The following KCNQ1 variants were observed in gnomAD, a reference collection of about 807,000 sequenced individuals.
The protein encoded by KCNQ1 is potassium voltage-gated channel subfamily KQT member 1.
In KCNQ1, 49 loss-of-function variants were observed where a neutral mutation model predicts 72.4. That is an observed-to-expected ratio of 0.68 (90% confidence interval 0.54 to 0.86). KCNQ1 has a LOEUF of 0.86. Among genes scored for constraint, KCNQ1 ranks in the 40% least tolerant of loss-of-function variants. The probability of loss-of-function intolerance (pLI) is 0.00; values close to 1 mark genes in which losing one functional copy is unlikely to be tolerated. For synonymous variants in KCNQ1, 450 were observed against 412.6 expected (o/e 1.09, Z -1.10); for missense variants, 790 against 945.1 (o/e 0.84, Z 2.15).
Position 2,653,981 on chromosome 11 carries a change from T to G in KCNQ1, c.1394-7980T>G. 1 of 398,710 alleles carries G rather than the reference T, an allele frequency of 2.5e-6. No homozygotes were observed. The highest frequency in any genetic ancestry group is 4.4e-6 in the Non-Finnish European group (1 of 226,094). 24.7% of individuals were successfully genotyped at this position (398,710 alleles called of 1,614,324 possible). On this transcript the variant is annotated intron_variant, in intron 10 of 15. Transcript: ENST00000155840. The surrounding 1 kb of genome is among the most constrained non-coding windows in gnomAD (Gnocchi z 5.3). ...TGTCCACTCAAGCAAGGTATTTTCCTAAGCGGAACTGGGTGCCAGCTGTGA... is the reference window on the plus strand; with the variant it reads ...TGTCCACTCAAGCAAGGTATTTTCCGAAGCGGAACTGGGTGCCAGCTGTGA...
Position 2,471,653 on chromosome 11 carries a change from T to C in KCNQ1, c.386+26169T>C, listed in dbSNP as rs1018761952. Among the ~76,000 whole-genome samples the C allele has an allele frequency of 2.0e-5, 3 of 151,750 alleles. No individual in the cohort carries two copies. Among genetic ancestry groups the C allele is most frequent in the Non-Finnish European group, 4.4e-5 (3 of 67,890 alleles). ...ATGCACGGATGTGTGTACACATGTG[T>C]ATGGGTGTGTGCATGGGTGTGCACA... On this transcript the variant is annotated intron_variant, in intron 1 of 15. Transcript: ENST00000155840. The surrounding 1 kb of genome is among the most constrained non-coding windows in gnomAD (Gnocchi z 4.8).
chr11:2,529,919 G>A (rs1234811253), intron 2 of KCNQ1, among the ~76,000 whole-genome samples: 1 of 152,196 alleles, frequency 6.6e-6, no homozygotes, highest in African/African-American at 2.4e-5. Flanking sequence ...CGGTGACCAT[G>A]TGGATTCTGG....
chr11:2,657,463 C>T lies in KCNQ1; in HGVS notation c.1394-4498C>T, dbSNP rs1178976608. 1 of 398,388 alleles carries T rather than the reference C, an allele frequency of 2.5e-6. No homozygotes were observed. Among genetic ancestry groups the T allele is most frequent in the Non-Finnish European group, 4.4e-6 (1 of 226,044 alleles). The allele number at this position is 398,388 out of a possible 1,614,324, so 24.7% of individuals were successfully genotyped here. A position where few individuals can be genotyped will look rare whatever the true frequency, so the allele number is the denominator to read the frequency against. The stretch of plus-strand genomic sequence containing the variant: ...TAATATTCTTTTGTGCTATTGTATA[C>T]AGGTTCTGTTTTCTCTTGTTACCTC... On this transcript the variant is annotated intron_variant, in intron 10 of 15. Coordinates refer to ENST00000155840, the MANE Select transcript of KCNQ1 (RefSeq NM_000218.3). The surrounding 1 kb of genome is among the most constrained non-coding windows in gnomAD (Gnocchi z 4.8).
intron 1 of KCNQ1, 117 bp downstream of exon 1, chr11:2,445,601 G>A: frequency 1.6e-6 from 2 of 1,218,760 alleles, no homozygotes; most frequent in Non-Finnish European, 2.3e-6. Context: ...GCAGAGGAGG[G>A]AAGGAAGTGG....
In KCNQ1 at chr11:2,664,180, G is replaced by A. The variant is rs1850021100; in HGVS notation, c.1514+2099G>A. The A allele has an allele frequency of 1.0e-5, 4 of 398,672 alleles. No homozygotes were observed. The highest frequency in any genetic ancestry group is 8.8e-6 in the Non-Finnish European group (2 of 226,224). The allele number at this position is 398,672 out of a possible 1,614,324, so 24.7% of individuals were successfully genotyped here. A position where few individuals can be genotyped will look rare whatever the true frequency, so the allele number is the denominator to read the frequency against. The stretch of plus-strand genomic sequence containing the variant: ...TGTTCCAAAAGTGGCTGCTAGATAT[G>A]AGCCAGCCTGGGAAGGCAGGAAGGA... On this transcript the variant is annotated intron_variant, in intron 11 of 15. Coordinates refer to ENST00000155840, the MANE Select transcript of KCNQ1 (RefSeq NM_000218.3). This position sits in a 1 kb window ranked among gnomAD's most constrained non-coding sequence, Gnocchi z 5.1.
At position 2,620,935 on chromosome 11, in the gene KCNQ1, G is replaced by GTTGTT. The variant is rs893304638; in HGVS notation, c.1393+32094_1393+32098dup. On this transcript the variant is annotated intron_variant, in intron 10 of 15. Coordinates refer to ENST00000155840, the MANE Select transcript of KCNQ1 (RefSeq NM_000218.3). The surrounding 1 kb of genome is among the most constrained non-coding windows in gnomAD (Gnocchi z 4.5). ...TATGGTTTGGTGTTTTTTTGTTGTT[G>GTTGTT]TTGTTTTGTTTTGTTTTTTTTTGTC... 4 of 331,584 alleles carry GTTGTT rather than the reference G, an allele frequency of 1.2e-5. No homozygotes were observed. The allele number at this position is 331,584 out of a possible 1,614,324, so 20.5% of individuals were successfully genotyped here. A position where few individuals can be genotyped will look rare whatever the true frequency, so the allele number is the denominator to read the frequency against.
rs1274171562 is a variant in KCNQ1, at chr11:2,671,658, G to A, written c.1514+9577G>A. 5 of 388,124 alleles carry A rather than the reference G, an allele frequency of 1.3e-5. No homozygotes were observed. Among genetic ancestry groups the A allele is most frequent in the Non-Finnish European group, 2.3e-5 (5 of 222,002 alleles). The allele number at this position is 388,124 out of a possible 1,614,324, so 24.0% of individuals were successfully genotyped here. A position where few individuals can be genotyped will look rare whatever the true frequency, so the allele number is the denominator to read the frequency against. On this transcript the variant is annotated intron_variant, in intron 11 of 15. Transcript: ENST00000155840. This position sits in a 1 kb window ranked among gnomAD's most constrained non-coding sequence, Gnocchi z 4.7. ...CCTGTGGTGCCCTGCTGGGGAAACT[G>A]AGGCAGAGAGCAGGGGTGACTTTGC...
chr11:2,638,162 C>G (rs958035686), intron 10 of KCNQ1: 2 of 152,136 alleles, frequency 1.3e-5, no homozygotes, highest in African/African-American at 2.4e-5. Flanking sequence ...TTAATTGGAG[C>G]CTTTAGCCTA....
chr11:2,553,380 G>A (rs1477861487), intron 2 of KCNQ1, among the ~76,000 whole-genome samples: 1 of 152,098 alleles, frequency 6.6e-6, no homozygotes, highest in African/African-American at 2.4e-5. Flanking sequence ...TCACCATTAG[G>A]TGTGGTGGGA....
In KCNQ1 at chr11:2,486,475, T is replaced by C. The variant is rs1846742268; in HGVS notation, c.386+40991T>C. 6.6e-6 allele frequency among the ~76,000 whole-genome samples: 1 copy of C among 152,226 alleles called. No homozygotes were observed. Among genetic ancestry groups the C allele is most frequent in the East Asian group, 1.9e-4 (1 of 5,204 alleles). ...CTTTTTACTCCGTTGATAGTGTCTT[T>C]GTACAAAAATTTTTAATGTTCACGA... On this transcript the variant is annotated intron_variant, in intron 1 of 15. Coordinates refer to ENST00000155840, the MANE Select transcript of KCNQ1 (RefSeq NM_000218.3). This position sits in a 1 kb window ranked among gnomAD's most constrained non-coding sequence, Gnocchi z 5.0.
rs138760562 is a variant in KCNQ1 at position 2,836,210 on chromosome 11, T to C, written c.1795-11557T>C. 2.3e-3 allele frequency among the ~76,000 whole-genome samples: 351 copies of C among 152,166 alleles called. 3 individuals carry two copies. Among genetic ancestry groups the C allele is most frequent in the African/African-American group, 8.1e-3 (338 of 41,506 alleles). On this transcript the variant is annotated intron_variant, in intron 15 of 15. Coordinates refer to ENST00000155840, the MANE Select transcript of KCNQ1 (RefSeq NM_000218.3). ...GGACACGACTAGTGGCTCAAATCTT[T>C]AGAAATGAGGGGATGGGTCTGGTAG...
chr11:2,618,625 T>C (rs574157790), intron 10 of KCNQ1: 1 of 398,596 alleles, frequency 2.5e-6, no homozygotes, highest in South Asian at 1.3e-4. Context: ...CCAGAAAGTA[T>C]GAAGTCTCCC....
At chr11:2,777,081 C>G in intron 14 of KCNQ1, 49 bp downstream of exon 14, 8 of 1,561,862 alleles carry the variant, frequency 5.1e-6, no homozygotes, top group Non-Finnish European at 7.1e-6. Flanking sequence ...GCAATGGACT[C>G]TCCCGCACCT....
intron 2 of KCNQ1, among the ~76,000 whole-genome samples, chr11:2,529,224 C>T (rs1272907917): frequency 6.6e-6 from 1 of 152,210 alleles, no homozygotes; most frequent in African/African-American, 2.4e-5. Context: ...TCCCACTGGT[C>T]TCCTGGACTT....
chr11:2,842,466 G>A (rs1452825420), intron 15 of KCNQ1, among the ~76,000 whole-genome samples: 1 of 152,236 alleles, frequency 6.6e-6, no homozygotes, highest in African/African-American at 2.4e-5. Flanking sequence ...GTTGCAGGGG[G>A]TGCTCACCTC....
chr11:2,838,545 G>A (rs1183683509), intron 15 of KCNQ1, among the ~76,000 whole-genome samples: 1 of 152,154 alleles, frequency 6.6e-6, no homozygotes, highest in Admixed American at 6.5e-5. Context: ...AGGTCTGCTT[G>A]TGGACTTCCG....
chr11:2,594,469 C>T (rs779960086), intron 10 of KCNQ1, among the ~76,000 whole-genome samples: 2 of 152,268 alleles, frequency 1.3e-5, no homozygotes, highest in African/African-American at 2.4e-5. Context: ...TTTCATCAAC[C>T]GTGGAAAGTC....
chr11:2,459,098 A>T (rs539289340), intron 1 of KCNQ1, among the ~76,000 whole-genome samples: 2 of 152,228 alleles, frequency 1.3e-5, no homozygotes, highest in South Asian at 4.1e-4. Context: ...CAGGGGCTTT[A>T]TGGGGCTCTG....
intron 11 of KCNQ1, chr11:2,686,795 A>G: frequency 2.5e-6 from 1 of 398,684 alleles, no homozygotes; most frequent in East Asian, 3.6e-5. Flanking sequence ...ATGCACAAGC[A>G]GCCCCTGCTC....
Sources: gnomAD v4.1 joint callset for allele counts (sites outside exome capture counted in the v4.1 genomes callset) on GRCh38, gnomAD v4.1.1 for gene constraint, Gnocchi (gnomAD v3.1) non-coding constraint, MANE v1.5 for transcripts, NCBI Gene and HGNC (gene_info 2026-07-23, HGNC 2026-07-21) for gene names.